TMED3: variants seen among roughly 807,000 people sequenced by gnomAD.
TMED3 encodes transmembrane p24 trafficking protein 3.
Under a neutral mutation model 15.0 loss-of-function variants are expected in TMED3, and 9 were observed. The observed-to-expected ratio is 0.60, with a 90% CI of 0.36 to 1.04. The LOEUF (loss-of-function observed/expected upper bound fraction) is 1.04, where lower values mean the gene tolerates loss of function less well. TMED3 is among the 50% of genes least tolerant of loss of function. The pLI is 0.01. For synonymous variants in TMED3, 117 were observed against 121.4 expected (o/e 0.96, Z 0.24); for missense variants, 267 against 278.9 (o/e 0.96, Z 0.30).
chr15:79,336,386 A>G (rs1403847316), intron 2 of TMED3, among the ~76,000 whole-genome samples: 1 of 152,184 alleles, frequency 6.6e-6, no homozygotes, highest in Admixed American at 6.5e-5. Flanking sequence ...GGCTGGGCAC[A>G]GTGGCTCATG....
intron 2 of TMED3, among the ~76,000 whole-genome samples, chr15:79,410,318 A>G (rs1893957742): frequency 6.6e-6 from 1 of 152,222 alleles, no homozygotes; most frequent in Admixed American, 6.5e-5. Context: ...GATATTAATA[A>G]TTGTGAAAAG....
chr15:79,371,406 A>G (rs112033744), intron 2 of TMED3, among the ~76,000 whole-genome samples: 6 of 152,300 alleles, frequency 3.9e-5, no homozygotes, highest in African/African-American at 1.4e-4. Context: ...TCACAGCCCA[A>G]CAGGTTCTTA....
intron 2 of TMED3, among the ~76,000 whole-genome samples, chr15:79,407,045 G>A (rs569259353): frequency 5.7e-4 from 87 of 152,284 alleles, no homozygotes; most frequent in South Asian, 1.9e-3. Context: ...TCTTTCACGT[G>A]TTTCCAGGGA....
At chr15:79,344,592 A>G (rs1338289308) in intron 2 of TMED3, among the ~76,000 whole-genome samples, 1 of 152,184 alleles carries the variant, frequency 6.6e-6, no homozygotes, top group Non-Finnish European at 1.5e-5. Flanking sequence ...CCTCTAATGC[A>G]GGATGACATT....
chr15:79,352,050 G>A (rs972665891), intron 2 of TMED3, among the ~76,000 whole-genome samples: 6 of 150,490 alleles, frequency 4.0e-5, no homozygotes, highest in Non-Finnish European at 5.9e-5. Context: ...GATACAATGG[G>A]CTTTGGGGAC....
intron 2 of TMED3, among the ~76,000 whole-genome samples, chr15:79,334,231 A>C (rs2058819613): frequency 6.6e-6 from 1 of 152,190 alleles, no homozygotes; most frequent in Admixed American, 6.5e-5. Context: ...CATAGTCAAA[A>C]ATCACTAGCT....
rs143943964 is a variant in TMED3 at position 79,361,474 on chromosome 15, C to T, written c.417+47469C>T. On this transcript the variant is annotated intron_variant, in intron 2 of 2. Coordinates refer to the TMED3 transcript ENST00000424155. ...GGTAACTCAGGAATGGAAAACCGAA[C>T]GTCATATGTTCTCACTTATAAGTGG... Among the ~76,000 whole-genome samples the T allele has an allele frequency of 1.9e-3, 292 of 152,224 alleles. 3 individuals are homozygous for T. The highest frequency in any genetic ancestry group is 6.8e-3 in the African/African-American group (284 of 41,544).
In TMED3 at chr15:79,313,840, G is replaced by A; in HGVS notation, c.252G>A (p.Gln84=). The change falls in exon 2 of 3, where the codon CAG becomes CAA. Residue 84 remains glutamine, a synonymous_variant. Transcript: ENST00000299705. ...CCATCTACAGAGAAACGAAGAAGCA[G>A]TACGACAGCTTCACGTACCGGGCTG... The part of the protein sequence containing the change: ...GNTIYRETKK[Q]YDSFTYRAEV... 6.2e-7 allele frequency: 1 copy of A among 1,614,262 alleles called. No individual in the cohort carries two copies. Among genetic ancestry groups the A allele is most frequent in the Non-Finnish European group, 8.5e-7 (1 of 1,180,052 alleles).
intron 2 of TMED3, among the ~76,000 whole-genome samples, chr15:79,390,668 ATTC>A (rs1446570676): frequency 1.3e-5 from 2 of 151,994 alleles, no homozygotes; most frequent in African/African-American, 4.8e-5. Flanking sequence ...ATTGGTACCA[ATTC>A]TTCTTTGAAT....
chr15:79,313,167 G>T (rs572057167), intron 1 of TMED3, among the ~76,000 whole-genome samples: 2 of 152,206 alleles, frequency 1.3e-5, no homozygotes, highest in East Asian at 3.9e-4. Context: ...CCCTAAATCA[G>T]TGATTTGCTG....
chr15:79,316,786 G>A lies in TMED3; in HGVS notation c.417+2781G>A, dbSNP rs546700962. ...CTTAGCAGGGCGGAAGGTCACACAC[G>A]AGGAGACCTGGGGACTCGTGGCCTG... On this transcript the variant is annotated intron_variant, in intron 2 of 2. Coordinates refer to ENST00000299705, the MANE Select transcript of TMED3 (RefSeq NM_007364.4). Among the ~76,000 whole-genome samples the A allele has an allele frequency of 2.6e-5, 4 of 152,284 alleles. No homozygotes were observed. In the South Asian group the frequency reaches 6.2e-4, roughly 24 times the overall value.
intron 2 of TMED3, among the ~76,000 whole-genome samples, chr15:79,376,306 T>C (rs1355277530): frequency 6.7e-6 from 1 of 149,952 alleles, no homozygotes; most frequent in African/African-American, 2.4e-5. Flanking sequence ...GCTTTTGGCA[T>C]TCTTGGGTAA....
chr15:79,313,936 T>C lies in TMED3; in HGVS notation c.348T>C (p.Phe116=), dbSNP rs758120154. The change falls in exon 2 of 3, where the codon TTT becomes TTC. Residue 116 remains phenylalanine (F), a synonymous_variant. Coordinates refer to ENST00000299705, the MANE Select transcript of TMED3 (RefSeq NM_007364.4). ...FSTFSHKTVY[F]DFQVGDEPPI... is the part of the protein sequence containing the mutation. ...CCTTCTCTCACAAGACCGTCTACTT[T>C]GACTTTCAAGTGGGCGATGAGCCTC... The C allele has an allele frequency of 1.2e-6, 2 of 1,614,242 alleles. No individual in the cohort carries two copies. Among genetic ancestry groups the C allele is most frequent in the Admixed American group, 3.3e-5 (2 of 60,032 alleles).
At chr15:79,394,780 A>C (rs899270410) in intron 2 of TMED3, among the ~76,000 whole-genome samples, 6 of 152,226 alleles carry the variant, frequency 3.9e-5, no homozygotes, top group African/African-American at 1.2e-4. Context: ...GTTTTAACAC[A>C]GTATCCTATT....
At chr15:79,370,256 ATTTT>A (rs398028085) in intron 2 of TMED3, among the ~76,000 whole-genome samples, 146 of 104,940 alleles carry the variant, frequency 1.4e-3, no homozygotes, top group African/African-American at 5.2e-3. Flanking sequence ...TGCCCAGCTA[ATTTT>A]TTTTTTTTTT....
downstream of TMED3, among the ~76,000 whole-genome samples, chr15:79,324,212 C>T (rs1205595499): frequency 2.0e-5 from 3 of 152,144 alleles, no homozygotes; most frequent in African/African-American, 7.2e-5. Context: ...AGGATGGTCT[C>T]GATCTCCTGA....
chr15:79,333,092 C>T (rs1048660415), intron 2 of TMED3, among the ~76,000 whole-genome samples: 2 of 152,210 alleles, frequency 1.3e-5, no homozygotes, highest in South Asian at 2.1e-4. Context: ...AGTCTTTAAA[C>T]TCTGTGTATT....
downstream of TMED3, among the ~76,000 whole-genome samples, chr15:79,326,185 A>G (rs2058786867): frequency 6.6e-6 from 1 of 152,218 alleles, no homozygotes; most frequent in Admixed American, 6.5e-5. Context: ...ATTTATACAG[A>G]GTTGTAAAAC....
At chr15:79,334,921 T>C (rs1214897288) in intron 2 of TMED3, among the ~76,000 whole-genome samples, 3 of 152,184 alleles carry the variant, frequency 2.0e-5, no homozygotes, top group Non-Finnish European at 4.4e-5. Flanking sequence ...GGAAACATCA[T>C]TTCAGAAATG....
Sources: gnomAD v4.1 joint callset for allele counts (sites outside exome capture counted in the v4.1 genomes callset) on GRCh38, gnomAD v4.1.1 for gene constraint, MANE v1.5 for transcripts, NCBI Gene and HGNC (gene_info 2026-07-23, HGNC 2026-07-21) for gene names.